The following SBF2 variants were observed in gnomAD, a reference collection of about 807,000 sequenced individuals.
The protein encoded by SBF2 is SET binding factor 2.
In SBF2, 112 loss-of-function variants were observed where a neutral mutation model predicts 225.2. The ratio of observed to expected loss-of-function variants is 0.50; its 90% CI spans 0.43 to 0.58. SBF2 has a LOEUF of 0.58. Among genes scored for constraint, SBF2 ranks in the 20% least tolerant of loss-of-function variants. SBF2 has a pLI of 0.00. For missense variants in SBF2, 1,996 were observed against 2,206.2 expected (o/e 0.90, Z 1.91); for synonymous variants, 763 against 773.3 (o/e 0.99, Z 0.22).
At chr11:10,215,858 T>C (rs1296110824) in intron 1 of SBF2, among the ~76,000 whole-genome samples, 1 of 152,242 alleles carries the variant, frequency 6.6e-6, no homozygotes, top group Non-Finnish European at 1.5e-5. Context: ...AATGACTGAA[T>C]TTCCATCTGA....
chr11:9,810,192 C>T (rs1310578314), intron 30 of SBF2: 1 of 152,344 alleles, frequency 6.6e-6, no homozygotes, highest in African/African-American at 2.4e-5. Flanking sequence ...AGGAGGATCG[C>T]TTGAACCTGG....
At chr11:10,172,776 C>T (rs1353801214) in intron 2 of SBF2, among the ~76,000 whole-genome samples, 8 of 152,188 alleles carry the variant, frequency 5.3e-5, no homozygotes, top group Admixed American at 5.2e-4. Context: ...AAGCGATTCT[C>T]ATGCCTCAGC....
intron 2 of SBF2, among the ~76,000 whole-genome samples, chr11:10,182,779 TA>T (rs1956788287): frequency 1.3e-5 from 2 of 152,006 alleles, no homozygotes; most frequent in African/African-American, 2.4e-5. Flanking sequence ...TGTTGTTTTT[TA>T]ATTTTTTTTT....
intron 2 of SBF2, among the ~76,000 whole-genome samples, chr11:10,055,706 G>A (rs1168014860): frequency 6.6e-6 from 1 of 152,092 alleles, no homozygotes; most frequent in Non-Finnish European, 1.5e-5. Context: ...TTACTTTTAA[G>A]TAAGAGCTAA....
At chr11:9,878,617 A>G (rs1564947109) in intron 17 of SBF2, among the ~76,000 whole-genome samples, 4 of 152,248 alleles carry the variant, frequency 2.6e-5, no homozygotes, top group African/African-American at 4.8e-5. Context: ...CTTGGCATCA[A>G]TTCAAATGCT....
At chr11:9,784,555 T>C in intron 37 of SBF2, 117 bp from the exon 38 acceptor site, 2 of 827,796 alleles carry the variant, frequency 2.4e-6, no homozygotes, top group Non-Finnish European at 4.0e-6. Flanking sequence ...GATTCAAAAA[T>C]GGCCTATAAG....
intron 1 of SBF2, among the ~76,000 whole-genome samples, chr11:10,251,357 C>G (rs1056170206): frequency 6.6e-6 from 1 of 152,178 alleles, no homozygotes; most frequent in Non-Finnish European, 1.5e-5. Flanking sequence ...ATAATAGACT[C>G]TATAGCAGAT....
intron 32 of SBF2, among the ~76,000 whole-genome samples, chr11:9,798,194 G>A (rs1853251614): frequency 6.6e-6 from 1 of 152,262 alleles, no homozygotes; most frequent in East Asian, 1.9e-4. Flanking sequence ...CTTATGCACA[G>A]CAAAGAAGGC....
intron 1 of SBF2, among the ~76,000 whole-genome samples, chr11:10,243,916 A>G (rs1959490602): frequency 6.6e-6 from 1 of 152,214 alleles, no homozygotes; most frequent in African/African-American, 2.4e-5. Context: ...AAAAAAATGA[A>G]AACAAGGAAA....
intron 2 of SBF2, among the ~76,000 whole-genome samples, chr11:10,173,312 G>A (rs561491223): frequency 3.9e-5 from 6 of 152,304 alleles, no homozygotes; most frequent in South Asian, 2.1e-4. Context: ...TGCACCGTGC[G>A]CAAGCCGAAG....
chr11:10,186,575 A>C (rs1425797885), intron 2 of SBF2, among the ~76,000 whole-genome samples: 1 of 152,154 alleles, frequency 6.6e-6, no homozygotes, highest in Non-Finnish European at 1.5e-5. Flanking sequence ...ATCAACCCAA[A>C]AGCTCTCTGA....
chr11:9,793,295 G>A (rs930678490), intron 33 of SBF2, among the ~76,000 whole-genome samples: 18 of 152,274 alleles, frequency 1.2e-4, no homozygotes, highest in Admixed American at 2.0e-4. Flanking sequence ...CAAAGTTACT[G>A]ACATTTTCTG....
chr11:10,197,295 T>C (rs938862873), intron 1 of SBF2, among the ~76,000 whole-genome samples: 1 of 152,216 alleles, frequency 6.6e-6, no homozygotes, highest in Non-Finnish European at 1.5e-5. Context: ...ACTTGGGAGA[T>C]ACTGCAGGTT....
At chr11:9,943,240 G>A (rs1865388063) in intron 16 of SBF2, among the ~76,000 whole-genome samples, 1 of 152,166 alleles carries the variant, frequency 6.6e-6, no homozygotes, top group Non-Finnish European at 1.5e-5. Flanking sequence ...ATTTCAGATA[G>A]ATTAAGGACT....
intron 3 of SBF2, among the ~76,000 whole-genome samples, chr11:10,032,314 T>C (rs1026998823): frequency 3.3e-5 from 5 of 152,210 alleles, no homozygotes; most frequent in South Asian, 4.1e-4. Flanking sequence ...ACCTCCTCTA[T>C]TGCTACCATA....
intron 1 of SBF2, among the ~76,000 whole-genome samples, chr11:10,285,921 C>T (rs1287356197): frequency 1.3e-5 from 2 of 152,230 alleles, no homozygotes; most frequent in Middle Eastern, 3.4e-3. Context: ...CAAATGGCAA[C>T]AAGCACCCGA....
rs571573281 is a variant in SBF2, at chr11:9,899,523, G to C, written c.1861-3512C>G. On this transcript the variant is annotated intron_variant, in intron 16 of 39. Transcript: ENST00000256190. The stretch of plus-strand genomic sequence containing the variant: ...TGTCAAAAAAAAAAAAAAGCCACTT[G>C]AAGAGTTATTACATCTAAATTTATT... Among the ~76,000 whole-genome samples, 179 of 146,168 alleles carry C rather than the reference G, an allele frequency of 1.2e-3. 1 individual carries two copies. Among genetic ancestry groups the C allele is most frequent in the African/African-American group, 4.4e-3 (175 of 40,024 alleles).
upstream of SBF2, among the ~76,000 whole-genome samples, chr11:10,295,332 C>T (rs1964466206): frequency 6.6e-6 from 1 of 152,134 alleles, no homozygotes; most frequent in South Asian, 2.1e-4. Flanking sequence ...AGCAGGAAGC[C>T]GCAATGGCTC....
At chr11:10,046,000 T>C (rs116019353) in intron 2 of SBF2, among the ~76,000 whole-genome samples, 3,733 of 152,138 alleles carry the variant, frequency 0.025, 157 homozygotes, top group African/African-American at 0.085. Flanking sequence ...ACTATAAAAA[T>C]AGCATATATA....
Sources: allele counts gnomAD v4.1 joint callset (sites outside exome capture counted in the v4.1 genomes callset), GRCh38; gene constraint gnomAD v4.1.1; transcripts MANE v1.5; gene names NCBI Gene and HGNC (gene_info 2026-07-23, HGNC 2026-07-21).